Variants in ADGRB3 observed in about 807,000 individuals in gnomAD.
ADGRB3 encodes the protein brain-specific angiogenesis inhibitor 3.
Under a neutral mutation model 193.4 loss-of-function variants are expected in ADGRB3, and 37 were observed. That is an observed-to-expected ratio of 0.19 (90% CI 0.15 to 0.25). ADGRB3 has a LOEUF of 0.25. Ranked by LOEUF, ADGRB3 falls within the 10% of genes least tolerant of loss-of-function variation. ADGRB3 has a pLI of 1.00. For missense variants in ADGRB3, 1,637 were observed against 1,852.9 expected (o/e 0.88, Z 2.14); for synonymous variants, 690 against 644.2 (o/e 1.07, Z -1.08).
intron 3 of ADGRB3, among the ~76,000 whole-genome samples, chr6:68,824,046 G>A (rs4706035): frequency 0.091 from 13,868 of 152,008 alleles, 852 homozygotes; most frequent in South Asian, 0.13. Context: ...TCTCACTTGT[G>A]CTTACTCTTG....
chr6:68,780,601 A>C (rs1381041882), intron 3 of ADGRB3, among the ~76,000 whole-genome samples: 3 of 152,134 alleles, frequency 2.0e-5, no homozygotes, highest in Admixed American at 2.0e-4. Flanking sequence ...CTCCATTTTC[A>C]GTTTCACGTA....
At chr6:68,733,421 T>C (rs374738149) in intron 3 of ADGRB3, among the ~76,000 whole-genome samples, 2 of 151,730 alleles carry the variant, frequency 1.3e-5, no homozygotes, top group South Asian at 2.1e-4. Context: ...TTCTCACTTA[T>C]ACAGTGTGAG....
chr6:69,380,578 AAG>A (rs1452981376), intron 30 of ADGRB3, among the ~76,000 whole-genome samples: 1 of 151,974 alleles, frequency 6.6e-6, no homozygotes, highest in Non-Finnish European at 1.5e-5. Context: ...GAAAATGGAA[AAG>A]AGAGGATAGA....
chr6:68,847,293 C>A (rs1459983616), intron 3 of ADGRB3, among the ~76,000 whole-genome samples: 1 of 152,078 alleles, frequency 6.6e-6, no homozygotes, highest in Non-Finnish European at 1.5e-5. Context: ...TAGGTTAATG[C>A]TGAAATTAGT....
intron 12 of ADGRB3, among the ~76,000 whole-genome samples, chr6:69,017,974 A>T (rs1179861069): frequency 6.6e-6 from 1 of 151,964 alleles, no homozygotes; most frequent in Non-Finnish European, 1.5e-5. Context: ...AATAGTTTGT[A>T]AATATCTTCA....
In ADGRB3 at chr6:68,948,876, A is replaced by G. The variant is rs578157625; in HGVS notation, c.1195+4882A>G. 7.2e-5 allele frequency among the ~76,000 whole-genome samples: 11 copies of G among 152,078 alleles called. No homozygotes were observed. The South Asian group carries it at 1.0e-3, about 14-fold the overall frequency. The stretch of plus-strand genomic sequence containing the variant: ...GGATTTAATTATATGATTCAGTGGG[A>G]AAAAAAGTGGTGTGTTATTCAGAAG... On this transcript the variant is annotated intron_variant, in intron 6 of 31. Coordinates refer to ENST00000370598, the MANE Select transcript of ADGRB3 (RefSeq NM_001704.3).
intron 17 of ADGRB3, among the ~76,000 whole-genome samples, chr6:69,148,193 G>A (rs1456700993): frequency 6.6e-6 from 1 of 151,816 alleles, no homozygotes; most frequent in African/African-American, 2.4e-5. Context: ...GTTGTTTTGT[G>A]GTCCTCTCTT....
At chr6:69,373,283 C>G (rs1243204679) in intron 30 of ADGRB3, among the ~76,000 whole-genome samples, 1 of 151,958 alleles carries the variant, frequency 6.6e-6, no homozygotes, top group East Asian at 1.9e-4. Context: ...TTACAGAAGC[C>G]TCCCAGAACG....
intron 3 of ADGRB3, among the ~76,000 whole-genome samples, chr6:68,761,092 C>G (rs1215862474): frequency 9.2e-5 from 14 of 152,152 alleles, no homozygotes; most frequent in Non-Finnish European, 4.4e-5. Flanking sequence ...GTTCTCACTC[C>G]TCCCTGGTGA....
chr6:69,068,520 G>A (rs1771977532), intron 16 of ADGRB3, among the ~76,000 whole-genome samples: 1 of 152,150 alleles, frequency 6.6e-6, no homozygotes, highest in Non-Finnish European at 1.5e-5. Context: ...TATTGGAAAT[G>A]ATGTGATCAC....
chr6:68,754,383 C>G (rs1447244671), intron 3 of ADGRB3, among the ~76,000 whole-genome samples: 1 of 152,048 alleles, frequency 6.6e-6, no homozygotes, highest in East Asian at 1.9e-4. Context: ...AACTGAAAAT[C>G]AAAAAGAAGA....
intron 20 of ADGRB3, among the ~76,000 whole-genome samples, chr6:69,243,685 C>G (rs1464298211): frequency 6.6e-6 from 1 of 151,910 alleles, no homozygotes; most frequent in Non-Finnish European, 1.5e-5. Context: ...AAAGACTAAT[C>G]TTTTATATTT....
chr6:68,975,824 T>C (rs1213999391), intron 10 of ADGRB3, among the ~76,000 whole-genome samples: 1 of 152,180 alleles, frequency 6.6e-6, no homozygotes, highest in African/African-American at 2.4e-5. Context: ...CAGAGAAACT[T>C]AATTACTCCC....
chr6:68,941,503 G>A (rs1429396885), intron 5 of ADGRB3, among the ~76,000 whole-genome samples: 1 of 152,044 alleles, frequency 6.6e-6, no homozygotes, highest in Non-Finnish European at 1.5e-5. Context: ...TGAGATTCAT[G>A]GAGGAAAATA....
At chr6:68,995,124 T>A (rs1769347345) in intron 11 of ADGRB3, among the ~76,000 whole-genome samples, 1 of 152,082 alleles carries the variant, frequency 6.6e-6, no homozygotes, top group Non-Finnish European at 1.5e-5. Flanking sequence ...TTGCCTGGAG[T>A]GGATGGAAGA....
intron 3 of ADGRB3, among the ~76,000 whole-genome samples, chr6:68,768,115 C>A (rs962084129): frequency 6.6e-6 from 1 of 152,036 alleles, no homozygotes; most frequent in African/African-American, 2.4e-5. Context: ...GCCATACTGC[C>A]CAAAGTAATT....
At chr6:69,079,812 C>T (rs1772335993) in intron 17 of ADGRB3, among the ~76,000 whole-genome samples, 1 of 152,026 alleles carries the variant, frequency 6.6e-6, no homozygotes, top group South Asian at 2.1e-4. Flanking sequence ...ATCTTGTAAC[C>T]ATCCATCTAA....
At chr6:68,980,101 G>A (rs1768865144) in intron 10 of ADGRB3, among the ~76,000 whole-genome samples, 1 of 151,546 alleles carries the variant, frequency 6.6e-6, no homozygotes, top group African/African-American at 2.4e-5. Flanking sequence ...TCTAATGGAA[G>A]CTCTTCCATA....
chr6:69,077,461 C>T (rs548074158), intron 17 of ADGRB3, among the ~76,000 whole-genome samples: 1 of 151,314 alleles, frequency 6.6e-6, no homozygotes, highest in African/African-American at 2.4e-5. Flanking sequence ...TTTTTTTTTA[C>T]TGGGTAGAAT....
Sources: gnomAD v4.1 joint callset for allele counts (sites outside exome capture counted in the v4.1 genomes callset) on GRCh38, gnomAD v4.1.1 for gene constraint, MANE v1.5 for transcripts, NCBI Gene and HGNC (gene_info 2026-07-23, HGNC 2026-07-21) for gene names.